Variants in CSMD1 observed in about 807,000 individuals in gnomAD.
CSMD1 encodes the protein CUB and sushi domain-containing protein 1.
Under a neutral mutation model 417.5 loss-of-function variants are expected in CSMD1, and 213 were observed. The observed-to-expected ratio is 0.51, with a 90% confidence interval of 0.46 to 0.57. The LOEUF (loss-of-function observed/expected upper bound fraction) is 0.57, where lower values mean the gene tolerates loss of function less well. Ranked by LOEUF, CSMD1 falls within the 20% of genes least tolerant of loss-of-function variation. CSMD1 has a pLI of 0.00. For synonymous variants in CSMD1, 2,862 were observed against 1,736.8 expected (o/e 1.65, Z -16.11); for missense variants, 6,923 against 4,529.7 (o/e 1.53, Z -15.17).
chr8:4,501,235 A>G lies in CSMD1; in HGVS notation c.303-81170T>C, dbSNP rs1027802045. 5.3e-5 allele frequency among the ~76,000 whole-genome samples: 8 copies of G among 152,222 alleles called. No homozygotes were observed. The Middle Eastern group carries it at 0.01, about 195-fold the overall frequency. ...ATCCTCTATAACATTGCTGGGCCAG[A>G]GATAGAATTTACTGCTAGATAGTTT... On this transcript the variant is annotated intron_variant, in intron 2 of 69. Transcript: ENST00000635120.
At chr8:3,892,648 C>G (rs3102405) in intron 5 of CSMD1, among the ~76,000 whole-genome samples, 2 of 150,458 alleles carry the variant, frequency 1.3e-5, no homozygotes, top group Non-Finnish European at 2.9e-5. Flanking sequence ...CTTGGCACGT[C>G]GTGGGATTTT....
chr8:3,739,991 T>C (rs1047362925), intron 6 of CSMD1, among the ~76,000 whole-genome samples: 29 of 152,204 alleles, frequency 1.9e-4, no homozygotes, highest in African/African-American at 6.8e-4. Context: ...TCATTAAAAT[T>C]GTCTTGGTCT....
At chr8:4,275,168 T>C (rs1796404869) in intron 3 of CSMD1, among the ~76,000 whole-genome samples, 1 of 152,288 alleles carries the variant, frequency 6.6e-6, no homozygotes, top group South Asian at 2.1e-4. Context: ...ATAGTTACAT[T>C]TTCTGGGGTT....
intron 50 of CSMD1, among the ~76,000 whole-genome samples, chr8:3,051,474 C>A (rs62490544): frequency 0.23 from 35,689 of 151,976 alleles, 4,900 homozygotes; most frequent in East Asian, 0.34. Context: ...GGTAAGGATT[C>A]AAAGACTGTC....
At chr8:3,942,759 T>G (rs530857550) in intron 5 of CSMD1, among the ~76,000 whole-genome samples, 1 of 152,320 alleles carries the variant, frequency 6.6e-6, no homozygotes, top group South Asian at 2.1e-4. Flanking sequence ...GAAGTCTGTA[T>G]TTATTACTGG....
chr8:4,378,691 T>C (rs1055994290), intron 3 of CSMD1, among the ~76,000 whole-genome samples: 4 of 152,188 alleles, frequency 2.6e-5, no homozygotes, highest in East Asian at 1.9e-4. Context: ...TGCTCAAATG[T>C]TGAAACCTAA....
chr8:3,445,948 C>A (rs1009325461), intron 12 of CSMD1, among the ~76,000 whole-genome samples: 6 of 152,064 alleles, frequency 3.9e-5, no homozygotes, highest in African/African-American at 1.4e-4. Context: ...AGAGAGGCAA[C>A]GATGAAATGA....
chr8:4,332,702 G>GA (rs1423109666), intron 3 of CSMD1, among the ~76,000 whole-genome samples: 4 of 151,778 alleles, frequency 2.6e-5, no homozygotes, highest in African/African-American at 9.7e-5. Flanking sequence ...TAAATTACAT[G>GA]AAAAAGTATT....
intron 1 of CSMD1, among the ~76,000 whole-genome samples, chr8:4,833,457 C>A (rs1721761245): frequency 6.6e-6 from 1 of 152,166 alleles, no homozygotes; most frequent in African/African-American, 2.4e-5. Flanking sequence ...TCACTAGGAC[C>A]CTACCTCAGC....
chr8:3,777,710 G>T (rs187112917), intron 5 of CSMD1, among the ~76,000 whole-genome samples: 83 of 151,794 alleles, frequency 5.5e-4, no homozygotes, highest in African/African-American at 1.8e-3. Flanking sequence ...GCCTCCTTCA[G>T]ATGCAGAGTC....
rs1810085641 is a variant in CSMD1, at chr8:3,930,774, C to A, written c.818+67129G>T. 1.3e-5 allele frequency among the ~76,000 whole-genome samples: 2 copies of A among 150,444 alleles called. 1 individual carries two copies. Among genetic ancestry groups the A allele is most frequent in the Non-Finnish European group, 3.0e-5 (2 of 67,558 alleles). On this transcript the variant is annotated intron_variant, in intron 5 of 69. Transcript: ENST00000635120. ...GCTACTTCTTTACGGCACCAGGGAA[C>A]AAGCATTTCTAACATGTACAAGGGT... is the stretch of plus-strand genomic sequence containing the variant.
At chr8:3,211,048 A>G (rs901107155) in intron 30 of CSMD1, among the ~76,000 whole-genome samples, 5 of 152,116 alleles carry the variant, frequency 3.3e-5, no homozygotes, top group African/African-American at 7.2e-5. Flanking sequence ...CCAAAATTAC[A>G]TCTTTTGTTT....
chr8:3,731,474 G>A (rs73501497), intron 6 of CSMD1, among the ~76,000 whole-genome samples: 13 of 152,054 alleles, frequency 8.5e-5, no homozygotes, highest in South Asian at 6.2e-4. Context: ...AATTCAATCC[G>A]AAACTTGCCC....
chr8:4,000,896 A>C (rs1815619738), intron 4 of CSMD1, among the ~76,000 whole-genome samples: 1 of 152,144 alleles, frequency 6.6e-6, no homozygotes, highest in African/African-American at 2.4e-5. Flanking sequence ...TGTGGAATTA[A>C]AAGAAAATTA....
chr8:4,584,098 G>C (rs571301353), intron 2 of CSMD1, among the ~76,000 whole-genome samples: 65 of 151,954 alleles, frequency 4.3e-4, no homozygotes, highest in African/African-American at 1.5e-3. Flanking sequence ...GAACCCACTA[G>C]AAGGAAGAAA....
At chr8:3,960,336 T>G (rs890379167) in intron 5 of CSMD1, among the ~76,000 whole-genome samples, 2 of 152,176 alleles carry the variant, frequency 1.3e-5, no homozygotes, top group African/African-American at 4.8e-5. Flanking sequence ...ACTTTCCAAA[T>G]GTAATTGACA....
intron 5 of CSMD1, among the ~76,000 whole-genome samples, chr8:3,984,743 ATATATATATT>A (rs1207225723): frequency 0.048 from 4,127 of 86,168 alleles, 235 homozygotes; most frequent in Non-Finnish European, 0.058. Context: ...ATATATATAT[ATATATATATT>A]TGTATGTATT....
chr8:3,837,090 T>A (rs1292799724), intron 5 of CSMD1, among the ~76,000 whole-genome samples: 1 of 151,868 alleles, frequency 6.6e-6, no homozygotes, highest in African/African-American at 2.4e-5. Context: ...GGAAGAACGC[T>A]ACCATTGAGT....
intron 7 of CSMD1, among the ~76,000 whole-genome samples, chr8:3,630,203 G>A (rs940894959): frequency 3.3e-5 from 5 of 152,314 alleles, no homozygotes; most frequent in African/African-American, 9.6e-5. Context: ...GCTCCTGGGA[G>A]GGAGAAATTA....
Sources: allele counts gnomAD v4.1 joint callset (sites outside exome capture counted in the v4.1 genomes callset), GRCh38; gene constraint gnomAD v4.1.1; transcripts MANE v1.5; gene names NCBI Gene and HGNC (gene_info 2026-07-23, HGNC 2026-07-21).